PIP4P2: variants seen among roughly 807,000 people sequenced by gnomAD.
PIP4P2 encodes the protein type 2 phosphatidylinositol 4,5-bisphosphate 4-phosphatase.
PIP4P2 carries 19 observed loss-of-function variants against 33.3 expected under a neutral mutation model. The observed-to-expected ratio is 0.57, with a 90% CI of 0.40 to 0.84. PIP4P2 has a LOEUF of 0.84. PIP4P2 is among the 40% of genes least tolerant of loss of function. The pLI is 0.00. For missense variants in PIP4P2, 270 were observed against 324.7 expected (o/e 0.83, Z 1.29); for synonymous variants, 110 against 111.9 (o/e 0.98, Z 0.11).
intron 4 of PIP4P2, among the ~76,000 whole-genome samples, chr8:91,014,936 GA>G (rs1023016391): frequency 6.6e-6 from 1 of 151,702 alleles, no homozygotes; most frequent in Non-Finnish European, 1.5e-5. Context: ...ATAAAGCTGG[GA>G]AAAAAACAGA....
At chr8:91,032,611 C>A (rs922470375) in intron 1 of PIP4P2, among the ~76,000 whole-genome samples, 3 of 151,590 alleles carry the variant, frequency 2.0e-5, no homozygotes, top group Non-Finnish European at 4.4e-5. Flanking sequence ...TGAAACCCCA[C>A]CTCTCCTAAA....
chr8:91,008,366 A>G (rs1468665848), intron 5 of PIP4P2, among the ~76,000 whole-genome samples: 2 of 152,154 alleles, frequency 1.3e-5, no homozygotes, highest in Non-Finnish European at 2.9e-5. Flanking sequence ...AAAGGCCAAC[A>G]ATCACCTAAT....
intron 1 of PIP4P2, among the ~76,000 whole-genome samples, chr8:91,026,387 T>C (rs1388602379): frequency 6.6e-6 from 1 of 152,114 alleles, no homozygotes; most frequent in Middle Eastern, 3.2e-3. Context: ...CCAGTGCTCC[T>C]TCCCAAGGAA....
intron 5 of PIP4P2, among the ~76,000 whole-genome samples, chr8:91,006,712 T>C (rs1209100194): frequency 6.6e-6 from 1 of 152,190 alleles, no homozygotes; most frequent in Non-Finnish European, 1.5e-5. Flanking sequence ...CTCATGCCTG[T>C]ATTCTCAGCA....
At chr8:91,025,300 A>C (rs1415773312) in intron 1 of PIP4P2, among the ~76,000 whole-genome samples, 2 of 152,192 alleles carry the variant, frequency 1.3e-5, no homozygotes, top group Non-Finnish European at 2.9e-5. Context: ...ATCACAAGGC[A>C]TACATAATGA....
intron 5 of PIP4P2, among the ~76,000 whole-genome samples, chr8:91,007,073 A>G (rs940868372): frequency 6.6e-6 from 1 of 152,184 alleles, no homozygotes; most frequent in Non-Finnish European, 1.5e-5. Flanking sequence ...TTTTCGTGAA[A>G]ATACACATAA....
At chr8:91,033,452 C>T (rs1293310358) in intron 1 of PIP4P2, among the ~76,000 whole-genome samples, 1 of 152,158 alleles carries the variant, frequency 6.6e-6, no homozygotes, top group East Asian at 1.9e-4. Flanking sequence ...TGACACCAAC[C>T]ACACCTCAGT....
chr8:91,029,657 G>GTC (rs1812132265), intron 1 of PIP4P2, among the ~76,000 whole-genome samples: 1 of 152,198 alleles, frequency 6.6e-6, no homozygotes, highest in Non-Finnish European at 1.5e-5. Flanking sequence ...CAGGAATCCT[G>GTC]TCTCCCTCCT....
chr8:91,015,711 T>C (rs1811906136), intron 4 of PIP4P2, among the ~76,000 whole-genome samples: 2 of 152,188 alleles, frequency 1.3e-5, no homozygotes, highest in South Asian at 4.1e-4. Flanking sequence ...GACAGGGTCA[T>C]TTATAACCTG....
intron 4 of PIP4P2, among the ~76,000 whole-genome samples, chr8:91,015,096 T>C (rs1423799571): frequency 6.6e-6 from 1 of 152,058 alleles, no homozygotes; most frequent in Non-Finnish European, 1.5e-5. Context: ...AAAAAGTCAC[T>C]CTAAAAACAA....
At position 91,040,835 on chromosome 8, in the gene PIP4P2, CGCTGCTGCCGCTGCAGCT is replaced by C. The variant is rs1586190574; in HGVS notation, c.-104_-87del. On this transcript the variant is annotated 5_prime_UTR_variant, in exon 1 of 7. Coordinates refer to ENST00000285419, the MANE Select transcript of PIP4P2 (RefSeq NM_018710.3). Reference sequence around the variant, plus strand: ...TGGCTACTGCTGCTGCCTCTGCTGCCGCTGCTGCCGCTGCAGCTGCTGCTGCTGCCGCCTCCGGGAGGG... The same window carrying C: ...TGGCTACTGCTGCTGCCTCTGCTGCCGCTGCTGCTGCCGCCTCCGGGAGGG... The C allele has an allele frequency of 2.6e-6, 3 of 1,167,310 alleles. No homozygotes were observed. The highest frequency in any genetic ancestry group is 5.5e-5 in the East Asian group (2 of 36,100). The allele number at this position is 1,167,310 out of a possible 1,614,324, so 72.3% of individuals were successfully genotyped here.
chr8:91,009,687 T>C (rs2130358593), intron 4 of PIP4P2, among the ~76,000 whole-genome samples: 1 of 151,778 alleles, frequency 6.6e-6, no homozygotes, highest in East Asian at 1.9e-4. Flanking sequence ...GATACGGGGG[T>C]TTCAATAACT....
At chr8:91,011,615 T>C (rs1200119103) in intron 4 of PIP4P2, among the ~76,000 whole-genome samples, 1 of 152,078 alleles carries the variant, frequency 6.6e-6, no homozygotes, top group Non-Finnish European at 1.5e-5. Context: ...TTTTTAATCC[T>C]AGCAATTCCC....
intron 5 of PIP4P2, among the ~76,000 whole-genome samples, chr8:90,998,361 C>T (rs1203048500): frequency 6.6e-6 from 1 of 152,032 alleles, no homozygotes; most frequent in African/African-American, 2.4e-5. Flanking sequence ...CTCTTTTCAT[C>T]ACTCAAATTA....
chr8:91,032,639 A>C (rs888225652), intron 1 of PIP4P2, among the ~76,000 whole-genome samples: 3 of 151,846 alleles, frequency 2.0e-5, no homozygotes, highest in Non-Finnish European at 4.4e-5. Context: ...AAATTAGTCA[A>C]GTGTGGTGGC....
At chr8:91,008,011 G>A (rs1811785277) in intron 5 of PIP4P2, among the ~76,000 whole-genome samples, 1 of 152,088 alleles carries the variant, frequency 6.6e-6, no homozygotes, top group Non-Finnish European at 1.5e-5. Flanking sequence ...TTGGAATCTT[G>A]TCCCTAGTTT....
chr8:91,014,512 C>T (rs1430343841), intron 4 of PIP4P2, among the ~76,000 whole-genome samples: 4 of 151,968 alleles, frequency 2.6e-5, no homozygotes, highest in African/African-American at 4.8e-5. Flanking sequence ...AAACACTGCA[C>T]GATCACGCCT....
In PIP4P2 at chr8:91,027,787, C is replaced by T. The variant is rs570494984; in HGVS notation, c.107-6383G>A. On this transcript the variant is annotated intron_variant, in intron 1 of 6. Transcript: ENST00000285419. The stretch of plus-strand genomic sequence containing the variant: ...AATATCCCTAGAATAATGCAGAAAA[C>T]GCAATCAAAGGTATACAGAGTTAGG... Among the ~76,000 whole-genome samples the T allele has an allele frequency of 5.3e-5, 8 of 152,192 alleles. No individual in the cohort carries two copies. The South Asian group carries it at 8.3e-4, about 16-fold the overall frequency.
chr8:91,025,700 G>A (rs1812074093), intron 1 of PIP4P2, among the ~76,000 whole-genome samples: 1 of 152,166 alleles, frequency 6.6e-6, no homozygotes, highest in South Asian at 2.1e-4. Context: ...ACGATTATAA[G>A]AGGAGCAAGA....
Sources: allele counts gnomAD v4.1 joint callset (sites outside exome capture counted in the v4.1 genomes callset), GRCh38; gene constraint gnomAD v4.1.1; transcripts MANE v1.5; gene names NCBI Gene and HGNC (gene_info 2026-07-23, HGNC 2026-07-21).